The following KIF25 variants were observed in gnomAD, a reference collection of about 807,000 sequenced individuals.
KIF25 encodes the protein kinesin-like protein KIF25.
A neutral mutation model predicts 32.9 loss-of-function variants in KIF25; 19 were observed. That is an observed-to-expected ratio of 0.58 (90% confidence interval 0.40 to 0.85). The LOEUF (loss-of-function observed/expected upper bound fraction) is 0.85. KIF25 is among the 40% of genes least tolerant of loss of function. The probability of loss-of-function intolerance (pLI) is 0.00; values close to 1 mark genes in which losing one functional copy is unlikely to be tolerated. For missense variants in KIF25, 485 were observed against 507.0 expected (o/e 0.96, Z 0.42); for synonymous variants, 225 against 213.7 (o/e 1.05, Z -0.46).
intron 8 of KIF25, among the ~76,000 whole-genome samples, chr6:168,035,463 G>T (rs1221336129): frequency 2.8e-5 from 4 of 141,172 alleles, no homozygotes; most frequent in African/African-American, 7.7e-5. Flanking sequence ...CGGCGCTGCG[G>T]GGGGGGCGGG....
chr6:168,001,641 CT>C (rs869056136), intron 2 of KIF25, among the ~76,000 whole-genome samples: 37 of 118,352 alleles, frequency 3.1e-4, no homozygotes, highest in African/African-American at 1.1e-3. Context: ...GAGAAGACAC[CT>C]TCAGGCGTGG....
chr6:168,024,356 A>G (rs371165424), intron 5 of KIF25, among the ~76,000 whole-genome samples: 33 of 147,102 alleles, frequency 2.2e-4, no homozygotes, highest in South Asian at 6.6e-4. Flanking sequence ...CCTTTCTTCC[A>G]CTATTGATTT....
intron 8 of KIF25, 25 bp from the exon 9 acceptor site, chr6:168,038,528 G>A: frequency 6.2e-7 from 1 of 1,612,218 alleles, no homozygotes; most frequent in Non-Finnish European, 8.5e-7. Flanking sequence ...CTTTCTGTAA[G>A]TTTCTCTTGT....
rs556267996 is a variant in KIF25 at position 168,040,098 on chromosome 6, C to G, written c.528C>G (p.Leu176=). ...AVGSASKLME[L]VHGGLQLRAK... The stretch of plus-strand genomic sequence containing the variant: ...GCAGCGCCTCGAAACTGATGGAGCT[C>G]GTTCATGGAGGTCTGCAGCTCAGGG... The change falls in exon 10 of 13, where the codon CTC becomes CTG. Residue 176 remains leucine (L), a synonymous_variant. Transcript: ENST00000643607. 1.2e-6 allele frequency: 2 copies of G among 1,613,810 alleles called. No homozygotes were observed. The highest frequency in any genetic ancestry group is 3.3e-5 in the Admixed American group (2 of 60,026).
chr6:167,999,752 T>C (rs761817085), intron 2 of KIF25, among the ~76,000 whole-genome samples: 11 of 152,230 alleles, frequency 7.2e-5, no homozygotes, highest in Non-Finnish European at 1.2e-4. Context: ...ACTCAACTGA[T>C]ACTTTTGACT....
At chr6:168,002,286 C>A (rs557612068) in intron 2 of KIF25, among the ~76,000 whole-genome samples, 3 of 127,344 alleles carry the variant, frequency 2.4e-5, no homozygotes, top group African/African-American at 9.2e-5. Context: ...CACCTTCAGG[C>A]GTAGCCTCGG....
chr6:168,008,386 G>A (rs959295814), intron 4 of KIF25, among the ~76,000 whole-genome samples: 3 of 152,110 alleles, frequency 2.0e-5, no homozygotes, highest in Non-Finnish European at 4.4e-5. Context: ...GTTGACTATA[G>A]ATATGTTGGT....
intron 2 of KIF25, among the ~76,000 whole-genome samples, chr6:168,000,000 A>T (rs1233118714): frequency 4.7e-5 from 2 of 42,350 alleles, no homozygotes; most frequent in South Asian, 2.2e-3. Flanking sequence ...TCCCATCCTG[A>T]CCACACCTGA....
intron 12 of KIF25, among the ~76,000 whole-genome samples, chr6:168,043,208 C>A (rs75408335): frequency 3.3e-5 from 5 of 152,262 alleles, no homozygotes; most frequent in South Asian, 4.1e-4. Flanking sequence ...CTGGGCTTTG[C>A]GGTTTTTGGG....
chr6:168,001,196 G>C (rs1402118266), intron 2 of KIF25, among the ~76,000 whole-genome samples: 1 of 152,198 alleles, frequency 6.6e-6, no homozygotes, highest in Non-Finnish European at 1.5e-5. Flanking sequence ...AAGTGTTTCC[G>C]ATGTTGAATT....
At chr6:168,019,597 C>T (rs1798761011) in intron 5 of KIF25, among the ~76,000 whole-genome samples, 1 of 152,150 alleles carries the variant, frequency 6.6e-6, no homozygotes, top group South Asian at 2.1e-4. Flanking sequence ...AGAGTGGGCT[C>T]CGGGGACGGC....
chr6:168,029,829 C>T (rs1211573293), intron 6 of KIF25, 152 bp downstream of exon 6: 8 of 953,206 alleles, frequency 8.4e-6, no homozygotes, highest in Admixed American at 3.0e-5. Context: ...CATCTTCCCA[C>T]ACAGTGCTCA....
chr6:168,042,047 A>G lies in KIF25; in HGVS notation c.725A>G (p.Gln242Arg). The G allele has an allele frequency of 6.5e-7, 1 of 1,547,458 alleles. No individual in the cohort carries two copies. The highest frequency in any genetic ancestry group is 8.7e-7 in the Non-Finnish European group (1 of 1,143,536). ...GRAGRSRRASQGALAPQLVPG... is the reference protein window; with the variant it reads ...GRAGRSRRASRGALAPQLVPG... ...GCAGGAAGGAGCCGCAGAGCTTCTC[A>G]AGGGGCCTTGGCTCCACAGCTGGTT... Residue 242 changes from glutamine to arginine, a missense_variant, in exon 11 of 13, where the codon CAA (glutamine) becomes CGA (arginine). Physicochemically the swap from Gln to Arg is conservative, Grantham distance 43. Transcript: ENST00000643607.
intron 5 of KIF25, among the ~76,000 whole-genome samples, chr6:168,023,322 C>T (rs982158012): frequency 3.5e-5 from 5 of 142,378 alleles, no homozygotes; most frequent in Non-Finnish European, 6.0e-5. Context: ...GGCTGGAGTA[C>T]AGTGGCACAA....
At chr6:168,025,682 G>A (rs1212862631) in intron 5 of KIF25, among the ~76,000 whole-genome samples, 1 of 152,208 alleles carries the variant, frequency 6.6e-6, no homozygotes, top group Non-Finnish European at 1.5e-5. Context: ...TGAATGTTTA[G>A]AGCCAAATGC....
intron 9 of KIF25, 125 bp downstream of exon 9, chr6:168,038,854 C>T (rs1031386381): frequency 8.0e-5 from 76 of 948,380 alleles, no homozygotes; most frequent in Admixed American, 6.4e-4. Context: ...CAAGGAGAAT[C>T]GGCCGTGGTG....
intron 4 of KIF25, among the ~76,000 whole-genome samples, chr6:168,010,585 A>C (rs893182052): frequency 1.3e-5 from 2 of 152,112 alleles, no homozygotes; most frequent in African/African-American, 4.8e-5. Context: ...CTGATGAAAA[A>C]ATGTATTCTG....
chr6:168,041,327 C>G (rs564852628), intron 10 of KIF25, among the ~76,000 whole-genome samples: 26 of 152,212 alleles, frequency 1.7e-4, no homozygotes, highest in African/African-American at 6.0e-4. Context: ...GCTGGGCACA[C>G]GGCCTTGTAC....
At chr6:168,035,281 G>T (rs987351615) in intron 8 of KIF25, among the ~76,000 whole-genome samples, 8 of 151,332 alleles carry the variant, frequency 5.3e-5, no homozygotes. Flanking sequence ...GTGCTTCCGA[G>T]GCCGTTTCCC....
Sources: allele counts gnomAD v4.1 joint callset (sites outside exome capture counted in the v4.1 genomes callset), GRCh38; gene constraint gnomAD v4.1.1; transcripts MANE v1.5; gene names NCBI Gene and HGNC (gene_info 2026-07-23, HGNC 2026-07-21).